The following ONECUT2 variants were observed in gnomAD, a reference collection of about 807,000 sequenced individuals.
ONECUT2 encodes one cut domain family member 2.
A neutral mutation model predicts 27.9 loss-of-function variants in ONECUT2; 10 were observed. The observed-to-expected ratio is 0.36, with a 90% CI of 0.22 to 0.61. The LOEUF (loss-of-function observed/expected upper bound fraction) is 0.61. ONECUT2 is among the 20% of genes least tolerant of loss of function. The probability of loss-of-function intolerance (pLI) is 0.73; values close to 1 mark genes in which losing one functional copy is unlikely to be tolerated. For missense variants in ONECUT2, 686 were observed against 721.0 expected, an observed-to-expected ratio of 0.95 and a Z score of 0.56; for synonymous variants, 334 against 315.1, an observed-to-expected ratio of 1.06 and a Z score of -0.64.
rs1231184016 is a variant in ONECUT2 at position 57,487,932 on chromosome 18, T to G, written c.*11209T>G. ...CAGTTTCATATTTCCCAAACCAAAATGCTTGACATAAAGCCAAATCAACTG... is the reference window on the plus strand; with the variant it reads ...CAGTTTCATATTTCCCAAACCAAAAGGCTTGACATAAAGCCAAATCAACTG... On this transcript the variant is annotated 3_prime_UTR_variant, in exon 2 of 2. Coordinates refer to ENST00000491143, the MANE Select transcript of ONECUT2 (RefSeq NM_004852.3). 1 of 152,220 alleles carries G rather than the reference T, an allele frequency of 6.6e-6. No individual in the cohort carries two copies. The highest frequency in any genetic ancestry group is 1.5e-5 in the Non-Finnish European group (1 of 68,032). 9.4% of individuals were successfully genotyped at this position (152,220 alleles called of 1,614,324 possible).
At chr18:57,450,904 G>T (rs533029963) in intron 1 of ONECUT2, among the ~76,000 whole-genome samples, 1 of 151,976 alleles carries the variant, frequency 6.6e-6, no homozygotes, top group Non-Finnish European at 1.5e-5. Context: ...TGAATCCATT[G>T]CTGCCTACAC....
intron 1 of ONECUT2, among the ~76,000 whole-genome samples, chr18:57,444,067 C>CAT (rs2050189241): frequency 6.6e-6 from 1 of 152,168 alleles, no homozygotes. Context: ...GAAAGCATCA[C>CAT]ATTTTTAAAG....
chr18:57,449,708 A>G (rs1434701882), intron 1 of ONECUT2, among the ~76,000 whole-genome samples: 1 of 152,176 alleles, frequency 6.6e-6, no homozygotes, highest in Non-Finnish European at 1.5e-5. Flanking sequence ...CATTGTCCTC[A>G]CTGTCCTGTC....
At chr18:57,451,214 T>C (rs2050228429) in intron 1 of ONECUT2, among the ~76,000 whole-genome samples, 1 of 152,248 alleles carries the variant, frequency 6.6e-6, no homozygotes, top group Admixed American at 6.5e-5. Context: ...AGACTAACCA[T>C]TTATGAACAG....
At chr18:57,468,088 C>CG (rs1487530015) in intron 1 of ONECUT2, among the ~76,000 whole-genome samples, 1 of 152,222 alleles carries the variant, frequency 6.6e-6, no homozygotes, top group Admixed American at 6.5e-5. Context: ...CCTGTGCATA[C>CG]ATCCACAATT....
Position 57,485,344 on chromosome 18 carries a change from T to A in ONECUT2, c.*8621T>A, listed in dbSNP as rs571441173. ...GAAGTTTAAGCCTTACATCATTTGA[T>A]ACTAAAGGGTTATTTGTGGTAAATG... On this transcript the variant is annotated 3_prime_UTR_variant, in exon 2 of 2. Coordinates refer to ENST00000491143, the MANE Select transcript of ONECUT2 (RefSeq NM_004852.3). 1.2e-4 allele frequency: 18 copies of A among 152,338 alleles called. No homozygotes were observed. Among genetic ancestry groups the A allele is most frequent in the African/African-American group, 4.3e-4 (18 of 41,580 alleles). The allele number at this position is 152,338 out of a possible 1,614,324, so 9.4% of individuals were successfully genotyped here.
rs1448254979 is a variant in ONECUT2, at chr18:57,436,865, T to G, written c.1149T>G (p.Ser383=). 2.5e-6 allele frequency: 4 copies of G among 1,613,694 alleles called. No homozygotes were observed. In the African/African-American group the frequency reaches 5.3e-5, roughly 22 times the overall value. The part of the protein sequence containing the change: ...RNPKPWSKLK[S]GRETFRRMWK... ...CAAAACCGTGGAGTAAACTCAAATC[T>G]GGCAGGGAGACCTTCCGCAGGATGT... Residue 383 remains serine, a synonymous_variant, in exon 1 of 2, where the codon TCT becomes TCG. Coordinates refer to ENST00000491143, the MANE Select transcript of ONECUT2 (RefSeq NM_004852.3). The surrounding 1 kb of genome is among the most constrained non-coding windows in gnomAD (Gnocchi z 5.9).
At chr18:57,450,202 C>T (rs147208542) in intron 1 of ONECUT2, among the ~76,000 whole-genome samples, 4 of 152,166 alleles carry the variant, frequency 2.6e-5, no homozygotes, top group East Asian at 1.9e-4. Context: ...GATCTGGAGC[C>T]GTACTTTGTC....
chr18:57,446,574 C>T (rs537576525), intron 1 of ONECUT2, among the ~76,000 whole-genome samples: 10 of 152,306 alleles, frequency 6.6e-5, no homozygotes, highest in Admixed American at 6.5e-4. Flanking sequence ...AGCCCTGCAC[C>T]TTCCACAAGG....
chr18:57,469,996 C>G (rs149075611), intron 1 of ONECUT2, among the ~76,000 whole-genome samples: 1 of 152,354 alleles, frequency 6.6e-6, no homozygotes, highest in African/African-American at 2.4e-5. Flanking sequence ...AAAGGTCATT[C>G]TTGGCTTCTG....
rs2122159070 is a variant in ONECUT2 at position 57,479,794 on chromosome 18, A to C, written c.*3071A>C. On this transcript the variant is annotated 3_prime_UTR_variant, in exon 2 of 2. Coordinates refer to ENST00000491143, the MANE Select transcript of ONECUT2 (RefSeq NM_004852.3). The stretch of plus-strand genomic sequence containing the variant: ...TTCACCAGTTAAAGAATATGAGGCC[A>C]GCCCAGAAATCTGTTCTCCAGGAGC... 6.6e-6 allele frequency: 1 copy of C among 152,460 alleles called. No homozygotes were observed. Among genetic ancestry groups the C allele is most frequent in the South Asian group, 2.1e-4 (1 of 4,824 alleles). The allele number at this position is 152,460 out of a possible 1,614,324, so 9.4% of individuals were successfully genotyped here.
At chr18:57,440,687 C>T (rs941072581) in intron 1 of ONECUT2, among the ~76,000 whole-genome samples, 1 of 152,230 alleles carries the variant, frequency 6.6e-6, no homozygotes, top group Non-Finnish European at 1.5e-5. Context: ...CTAGGGGCAC[C>T]GCGTGCGTGC....
Position 57,482,514 on chromosome 18 carries a change from A to T in ONECUT2, c.*5791A>T, listed in dbSNP as rs2050420946. ...TAGGTTGATTGGAAGTAACCAGCTA[A>T]TACCTTTTCTAGTGGAGAAAAAGAC... On this transcript the variant is annotated 3_prime_UTR_variant, in exon 2 of 2. Transcript: ENST00000491143. 6.6e-6 allele frequency: 1 copy of T among 152,212 alleles called. No homozygotes were observed. Among genetic ancestry groups the T allele is most frequent in the Admixed American group, 6.5e-5 (1 of 15,280 alleles). 9.4% of individuals were successfully genotyped at this position (152,212 alleles called of 1,614,324 possible).
rs143292546 is a variant in ONECUT2 at position 57,470,134 on chromosome 18, C to G, written c.1229-6303C>G. 1.1e-4 allele frequency among the ~76,000 whole-genome samples: 17 copies of G among 152,310 alleles called. No individual in the cohort carries two copies. The East Asian group carries it at 3.1e-3, about 28-fold the overall frequency. On this transcript the variant is annotated intron_variant, in intron 1 of 1. Transcript: ENST00000491143. ...GCTGGGTGTGTCTGCTGATACAGGC[C>G]GTGCTTGGCTGATCTCAGCTGGACT...
chr18:57,457,278 G>A (rs2050264970), intron 1 of ONECUT2, among the ~76,000 whole-genome samples: 2 of 152,150 alleles, frequency 1.3e-5, no homozygotes, highest in Admixed American at 6.6e-5. Flanking sequence ...GGAAGAACTG[G>A]ATGTCAGAGC....
chr18:57,460,194 G>T (rs1239494157), intron 1 of ONECUT2, among the ~76,000 whole-genome samples: 4 of 142,412 alleles, frequency 2.8e-5, no homozygotes, highest in Non-Finnish European at 4.7e-5. Flanking sequence ...GTGTGCTGGG[G>T]TTATAGGCGT....
At chr18:57,448,920 A>T (rs565253185) in intron 1 of ONECUT2, among the ~76,000 whole-genome samples, 2 of 152,356 alleles carry the variant, frequency 1.3e-5, no homozygotes, top group Admixed American at 1.3e-4. Context: ...AACCTAAAAG[A>T]TGTAGGGGAA....
Position 57,445,824 on chromosome 18 carries a change from G to A in ONECUT2, c.1228+8880G>A, listed in dbSNP as rs560330480. 1.3e-3 allele frequency among the ~76,000 whole-genome samples: 195 copies of A among 152,206 alleles called. 2 individuals are homozygous for A. Among genetic ancestry groups the A allele is most frequent in the Non-Finnish European group, 5.9e-4 (40 of 68,030 alleles). The stretch of plus-strand genomic sequence containing the variant: ...TGGATCACTTGTTTAAAAAACCAAA[G>A]CAAAGCACAGTAACTGCAGCAATAC... On this transcript the variant is annotated intron_variant, in intron 1 of 1. Coordinates refer to ENST00000491143, the MANE Select transcript of ONECUT2 (RefSeq NM_004852.3).
At position 57,483,809 on chromosome 18, in the gene ONECUT2, C is replaced by A. The variant is rs80071915; in HGVS notation, c.*7086C>A. The A allele has an allele frequency of 4.6e-3, 701 of 152,658 alleles. 6 individuals are homozygous for A. The East Asian group carries it at 0.051, about 11-fold the overall frequency. 9.5% of individuals were successfully genotyped at this position (152,658 alleles called of 1,614,324 possible). A position where few individuals can be genotyped will look rare whatever the true frequency, so the allele number is the denominator to read the frequency against. ...GTTCGCAGCCCCACCTGGTACCAGG[C>A]GAACTTCACCTCTTAATTATTGTGG... On this transcript the variant is annotated 3_prime_UTR_variant, in exon 2 of 2. Transcript: ENST00000491143.
Sources: gnomAD v4.1 joint callset for allele counts (sites outside exome capture counted in the v4.1 genomes callset) on GRCh38, gnomAD v4.1.1 for gene constraint, Gnocchi (gnomAD v3.1) non-coding constraint, MANE v1.5 for transcripts, NCBI Gene and HGNC (gene_info 2026-07-23, HGNC 2026-07-21) for gene names.